CSMD1: variants seen among roughly 807,000 people sequenced by gnomAD.
CSMD1 encodes the protein CUB and sushi domain-containing protein 1.
A neutral mutation model predicts 417.5 loss-of-function variants in CSMD1; 213 were observed. That is an observed-to-expected ratio of 0.51 (90% CI 0.46 to 0.57). The LOEUF is 0.57. Among genes scored for constraint, CSMD1 ranks in the 20% least tolerant of loss-of-function variants. CSMD1 has a pLI of 0.00. For missense variants in CSMD1, 6,923 were observed against 4,529.7 expected, an observed-to-expected ratio of 1.53 and a Z score of -15.17; for synonymous variants, 2,862 against 1,736.8, an observed-to-expected ratio of 1.65 and a Z score of -16.11.
chr8:3,447,852 G>A (rs946158169), intron 12 of CSMD1, among the ~76,000 whole-genome samples: 2 of 152,076 alleles, frequency 1.3e-5, no homozygotes, highest in Non-Finnish European at 2.9e-5. Context: ...GCCATCGGAG[G>A]TGTCTTTACT....
intron 2 of CSMD1, among the ~76,000 whole-genome samples, chr8:4,600,231 T>G (rs1456781274): frequency 1.4e-4 from 1 of 7,212 alleles, no homozygotes; most frequent in East Asian, 9.1e-3. Context: ...CCTCACGTGA[T>G]ACTCTACTCT....
At chr8:4,391,663 A>C (rs12542641) in intron 3 of CSMD1, among the ~76,000 whole-genome samples, 1 of 151,886 alleles carries the variant, frequency 6.6e-6, no homozygotes, top group African/African-American at 2.4e-5. Flanking sequence ...AGAAGTGGGA[A>C]GACGGCTTAC....
chr8:4,754,681 CTACTAAAAATACAA>C (rs1811557907), intron 1 of CSMD1, among the ~76,000 whole-genome samples: 4 of 152,080 alleles, frequency 2.6e-5, no homozygotes, highest in African/African-American at 9.6e-5. Flanking sequence ...GAAACCCTGT[CTACTAAAAATACAA>C]TAATTTAGCC....
chr8:3,826,510 A>C (rs142550882), intron 5 of CSMD1, among the ~76,000 whole-genome samples: 58 of 152,174 alleles, frequency 3.8e-4, no homozygotes, highest in Non-Finnish European at 6.0e-4. Context: ...CTCTTCTAGA[A>C]CCACATTTTC....
At chr8:3,597,059 C>T (rs10503209) in intron 8 of CSMD1, among the ~76,000 whole-genome samples, 15,681 of 152,074 alleles carry the variant, frequency 0.1, 920 homozygotes, top group East Asian at 0.17. Context: ...AGATATTGGC[C>T]GATAAAACAG....
intron 5 of CSMD1, among the ~76,000 whole-genome samples, chr8:3,758,627 A>C (rs1397438988): frequency 3.3e-5 from 5 of 152,198 alleles, no homozygotes; most frequent in Non-Finnish European, 7.3e-5. Flanking sequence ...AATTAGGTGA[A>C]ATTGTGAACT....
chr8:3,757,742 G>A (rs73498819), intron 5 of CSMD1, among the ~76,000 whole-genome samples: 8,876 of 151,802 alleles, frequency 0.058, 889 homozygotes, highest in African/African-American at 0.2. Flanking sequence ...CTAGATAATC[G>A]GGAGGCTGAG....
intron 5 of CSMD1, among the ~76,000 whole-genome samples, chr8:3,957,441 G>A (rs887723097): frequency 6.6e-6 from 1 of 152,190 alleles, no homozygotes; most frequent in Non-Finnish European, 1.5e-5. Context: ...ACTTTGGGAG[G>A]CCAAAGCAGG....
intron 3 of CSMD1, among the ~76,000 whole-genome samples, chr8:4,236,623 A>G (rs1292508743): frequency 6.6e-6 from 1 of 152,192 alleles, no homozygotes. Context: ...CCTACCTCTT[A>G]AAAGAATTCA....
At chr8:4,301,086 A>C (rs765717468) in intron 3 of CSMD1, among the ~76,000 whole-genome samples, 12 of 152,174 alleles carry the variant, frequency 7.9e-5, no homozygotes, top group Non-Finnish European at 1.8e-4. Context: ...TGGATGCCTA[A>C]TGAGTTCCCA....
intron 1 of CSMD1, among the ~76,000 whole-genome samples, chr8:4,902,824 T>A (rs1435460456): frequency 6.6e-6 from 1 of 151,992 alleles, no homozygotes; most frequent in Non-Finnish European, 1.5e-5. Flanking sequence ...TCACAAAATA[T>A]ACATACATAC....
At chr8:4,018,671 T>C (rs916413712) in intron 4 of CSMD1, among the ~76,000 whole-genome samples, 9 of 152,226 alleles carry the variant, frequency 5.9e-5, no homozygotes, top group Non-Finnish European at 1.3e-4. Flanking sequence ...AGTTGTAATA[T>C]TTGTTTCTCA....
intron 46 of CSMD1, among the ~76,000 whole-genome samples, chr8:3,097,901 G>A (rs1259830693): frequency 6.6e-6 from 1 of 152,158 alleles, no homozygotes; most frequent in African/African-American, 2.4e-5. Flanking sequence ...ATTCCTAAGG[G>A]ATGAATTAAT....
intron 1 of CSMD1, among the ~76,000 whole-genome samples, chr8:4,677,101 C>G (rs2130964402): frequency 6.9e-6 from 1 of 145,404 alleles, no homozygotes; most frequent in South Asian, 2.1e-4. Flanking sequence ...ATTATAATAT[C>G]TATCATATAT....
At chr8:3,632,387 A>T (rs997363287) in intron 7 of CSMD1, among the ~76,000 whole-genome samples, 10 of 152,164 alleles carry the variant, frequency 6.6e-5, no homozygotes, top group Non-Finnish European at 1.5e-4. Flanking sequence ...TTATTGAATC[A>T]AAATTAAAGA....
intron 2 of CSMD1, among the ~76,000 whole-genome samples, chr8:4,420,647 G>A (rs1244559572): frequency 6.6e-6 from 1 of 152,128 alleles, no homozygotes; most frequent in Non-Finnish European, 1.5e-5. Context: ...AACAATCTGT[G>A]TTTCAGTTGG....
intron 11 of CSMD1, among the ~76,000 whole-genome samples, chr8:3,476,728 G>A (rs10110072): frequency 0.61 from 92,635 of 151,364 alleles, 29,056 homozygotes; most frequent in Middle Eastern, 0.73. Flanking sequence ...GACCAGCCTG[G>A]CCAACATGAT....
intron 51 of CSMD1, among the ~76,000 whole-genome samples, chr8:3,023,405 TA>T (rs1423712380): frequency 1.3e-5 from 2 of 152,170 alleles, no homozygotes; most frequent in Non-Finnish European, 1.5e-5. Flanking sequence ...AGTCGAACAA[TA>T]AATAAATGTA....
intron 3 of CSMD1, among the ~76,000 whole-genome samples, chr8:4,296,731 T>C (rs1440416099): frequency 5.8e-5 from 7 of 121,070 alleles, no homozygotes; most frequent in African/African-American, 3.1e-5. Context: ...GGGCTTACAC[T>C]CTATTGGGTA....
Sources: gnomAD v4.1 joint callset for allele counts (sites outside exome capture counted in the v4.1 genomes callset) on GRCh38, gnomAD v4.1.1 for gene constraint, MANE v1.5 for transcripts, NCBI Gene and HGNC (gene_info 2026-07-23, HGNC 2026-07-21) for gene names.